CNTNAP4: variants seen among roughly 807,000 people sequenced by gnomAD.
CNTNAP4 encodes the protein contactin associated protein family member 4.
A neutral mutation model predicts 148.4 loss-of-function variants in CNTNAP4; 98 were observed. The observed-to-expected ratio is 0.66, with a 90% CI of 0.56 to 0.78. The LOEUF is 0.78. Among genes scored for constraint, CNTNAP4 ranks in the 30% least tolerant of loss-of-function variants. CNTNAP4 has a pLI of 0.00. For missense variants in CNTNAP4, 1,935 were observed against 1,565.6 expected (o/e 1.24, Z -3.98); for synonymous variants, 730 against 565.1 (o/e 1.29, Z -4.14).
At chr16:76,451,619 G>GTGTGTGTGTGTT (rs1368599257) in intron 7 of CNTNAP4, among the ~76,000 whole-genome samples, 2 of 151,550 alleles carry the variant, frequency 1.3e-5, no homozygotes, top group African/African-American at 4.8e-5. Context: ...GTGTGTGTGT[G>GTGTGTGTGTGTT]TGTGTGTGTG....
chr16:76,334,072 C>G (rs904048709), intron 2 of CNTNAP4, among the ~76,000 whole-genome samples: 1 of 151,526 alleles, frequency 6.6e-6, no homozygotes, highest in Non-Finnish European at 1.5e-5. Flanking sequence ...TGTAGATATA[C>G]CTAACACTAA....
At chr16:76,507,889 A>C (rs1016007349) in intron 15 of CNTNAP4, among the ~76,000 whole-genome samples, 8 of 96,972 alleles carry the variant, frequency 8.2e-5, no homozygotes, top group African/African-American at 2.1e-4. Context: ...CGTCCTTGTC[A>C]CTCACTCTCC....
chr16:76,316,599 A>G (rs1961786468), intron 2 of CNTNAP4, 76 bp downstream of exon 2: 7 of 921,392 alleles, frequency 7.6e-6, no homozygotes, highest in Non-Finnish European at 1.2e-5. Context: ...TACAGTCATT[A>G]TGAATGATAC....
In CNTNAP4 at chr16:76,316,483, C is replaced by T. The variant is rs575015654; in HGVS notation, c.156C>T (p.Ser52=). Reference sequence around the variant, plus strand: ...TCAGCAGTTCTTCCGAGCTCTCCAGCAGTCATGGTCCTGGATTTGCAAGGC... The same window carrying T: ...TCAGCAGTTCTTCCGAGCTCTCCAGTAGTCATGGTCCTGGATTTGCAAGGC... ...ASFSSSSELS[S]SHGPGFARLN... Residue 52 remains serine, a synonymous_variant, in exon 2 of 24, where the codon AGC becomes AGT. Transcript: ENST00000611870. The T allele has an allele frequency of 1.9e-6, 3 of 1,613,832 alleles. No homozygotes were observed. The highest frequency in any genetic ancestry group is 2.5e-6 in the Non-Finnish European group (3 of 1,179,764).
Position 76,348,930 on chromosome 16 carries a change from G to A in CNTNAP4, c.197-6388G>A, listed in dbSNP as rs577069282. On this transcript the variant is annotated intron_variant, in intron 2 of 23. Coordinates refer to ENST00000611870, the MANE Select transcript of CNTNAP4 (RefSeq NM_033401.5). Reference sequence around the variant, plus strand: ...ATGAGAAAAATAAGAGCATGCTGATGTAACAGTGTACTGATGGGAATTATC... The same window carrying A: ...ATGAGAAAAATAAGAGCATGCTGATATAACAGTGTACTGATGGGAATTATC... Among the ~76,000 whole-genome samples, 129 of 151,646 alleles carry A rather than the reference G, an allele frequency of 8.5e-4. No homozygotes were observed. In the South Asian group the frequency reaches 0.013, roughly 15 times the overall value.
intron 2 of CNTNAP4, among the ~76,000 whole-genome samples, chr16:76,342,529 G>C (rs1432537737): frequency 7.3e-6 from 1 of 136,872 alleles, no homozygotes; most frequent in Non-Finnish European, 1.5e-5. Context: ...TTGGAGTGCA[G>C]TGGTGCAATC....
intron 4 of CNTNAP4, among the ~76,000 whole-genome samples, chr16:76,428,112 A>G (rs2079476484): frequency 6.6e-6 from 1 of 152,214 alleles, no homozygotes; most frequent in Non-Finnish European, 1.5e-5. Context: ...CTGCCTGAAT[A>G]TAACATGTGT....
chr16:76,362,563 T>C (rs772655996), intron 3 of CNTNAP4, among the ~76,000 whole-genome samples: 1 of 152,196 alleles, frequency 6.6e-6, no homozygotes, highest in African/African-American at 2.4e-5. Flanking sequence ...GACAGACATA[T>C]AGACCAATAA....
intron 3 of CNTNAP4, among the ~76,000 whole-genome samples, chr16:76,389,607 C>A (rs1307087457): frequency 1.3e-5 from 2 of 152,206 alleles, no homozygotes; most frequent in South Asian, 4.2e-4. Flanking sequence ...GAATGTGCCA[C>A]CAAGCCCAAC....
chr16:76,446,422 C>T (rs866154811), intron 4 of CNTNAP4, among the ~76,000 whole-genome samples: 5 of 152,082 alleles, frequency 3.3e-5, no homozygotes, highest in African/African-American at 1.2e-4. Flanking sequence ...GTAGACAATA[C>T]CGTCAGGATT....
chr16:76,317,252 C>CAAAAAAAAAAACA (rs1961863055), intron 2 of CNTNAP4, among the ~76,000 whole-genome samples: 2 of 86,282 alleles, frequency 2.3e-5, no homozygotes, highest in Non-Finnish European at 2.4e-5. Flanking sequence ...GACCCTGTCT[C>CAAAAAAAAAAACA]AAAAAAAAAA....
intron 2 of CNTNAP4, among the ~76,000 whole-genome samples, chr16:76,337,004 G>A (rs376220927): frequency 6.6e-6 from 1 of 152,172 alleles, no homozygotes; most frequent in Non-Finnish European, 1.5e-5. Flanking sequence ...ACTAACCGCT[G>A]TCAAGCTGGT....
intron 7 of CNTNAP4, among the ~76,000 whole-genome samples, chr16:76,450,951 G>A (rs887250779): frequency 6.6e-6 from 1 of 152,214 alleles, no homozygotes; most frequent in Admixed American, 6.5e-5. Flanking sequence ...AAGCAGTGAT[G>A]TGTGGAGGCA....
At chr16:76,540,858 T>A in intron 21 of CNTNAP4, 68 bp downstream of exon 21, 1 of 1,094,488 alleles carries the variant, frequency 9.1e-7, no homozygotes. Flanking sequence ...ATCAGAAAAG[T>A]CATATTACAC....
chr16:76,522,365 A>G (rs2083490860), intron 17 of CNTNAP4, 108 bp downstream of exon 17: 4 of 926,546 alleles, frequency 4.3e-6, no homozygotes, highest in Non-Finnish European at 4.9e-6. Context: ...AACAAGCAAT[A>G]ATAACAAATC....
rs377422587 is a variant in CNTNAP4, at chr16:76,553,494, G to A, written c.3654G>A (p.Ser1218=). The change falls in exon 22 of 24, where the codon TCG becomes TCA. Residue 1218 remains serine, a synonymous_variant. Transcript: ENST00000611870. ...CCACATCAAGGGAAAGGACACACTC[G>A]TTTGCAGGTGACTTAGAGTTCTTCC... ...TDATSRERTH[S]FADHSGTIDD... is the part of the protein sequence containing the mutation. The A allele has an allele frequency of 4.5e-5, 73 of 1,607,022 alleles. No individual in the cohort carries two copies. Among genetic ancestry groups the A allele is most frequent in the African/African-American group, 1.3e-4 (10 of 74,922 alleles).
intron 3 of CNTNAP4, among the ~76,000 whole-genome samples, chr16:76,395,689 G>A (rs2078178053): frequency 1.3e-5 from 2 of 151,816 alleles, no homozygotes; most frequent in African/African-American, 4.8e-5. Flanking sequence ...ACACAAATCG[G>A]TAACAGTCAC....
intron 15 of CNTNAP4, among the ~76,000 whole-genome samples, chr16:76,500,127 G>C (rs1378856845): frequency 2.0e-5 from 3 of 152,076 alleles, no homozygotes; most frequent in Non-Finnish European, 4.4e-5. Flanking sequence ...CTTCCCAGAC[G>C]GGGCGGCTGG....
chr16:76,433,226 G>A (rs1041553311), intron 4 of CNTNAP4, among the ~76,000 whole-genome samples: 4 of 152,190 alleles, frequency 2.6e-5, no homozygotes, highest in Admixed American at 2.6e-4. Context: ...TAAGCCTCAG[G>A]AATGCTTTCT....
Sources: gnomAD v4.1 joint callset for allele counts (sites outside exome capture counted in the v4.1 genomes callset) on GRCh38, gnomAD v4.1.1 for gene constraint, MANE v1.5 for transcripts, NCBI Gene and HGNC (gene_info 2026-07-23, HGNC 2026-07-21) for gene names.